Variants in ARHGAP28 observed in about 807,000 individuals in gnomAD.
ARHGAP28 encodes rho GTPase-activating protein 28.
ARHGAP28 carries 56 observed loss-of-function variants against 90.7 expected under a neutral mutation model. The ratio of observed to expected loss-of-function variants is 0.62; its 90% CI spans 0.50 to 0.77. The LOEUF (loss-of-function observed/expected upper bound fraction) is 0.77. ARHGAP28 is among the 30% of genes least tolerant of loss of function. ARHGAP28 has a pLI of 0.00. For missense variants in ARHGAP28, 869 were observed against 900.9 expected (o/e 0.96, Z 0.45); for synonymous variants, 308 against 323.3 (o/e 0.95, Z 0.51).
At chr18:6,775,583 C>T (rs1269734182) in intron 1 of ARHGAP28, among the ~76,000 whole-genome samples, 4 of 152,082 alleles carry the variant, frequency 2.6e-5, no homozygotes, top group Non-Finnish European at 5.9e-5. Context: ...CAATGATAGG[C>T]CACGTGATGC....
intron 5 of ARHGAP28, among the ~76,000 whole-genome samples, chr18:6,861,589 A>G (rs555280830): frequency 4.6e-5 from 7 of 152,240 alleles, no homozygotes; most frequent in Middle Eastern, 3.4e-3. Context: ...GCAGCACAGG[A>G]CTGCGTGTGG....
At position 6,796,475 on chromosome 18, in the gene ARHGAP28, G is replaced by GT. The variant is rs202043646; in HGVS notation, c.123-28286dup. Among the ~76,000 whole-genome samples the GT allele has an allele frequency of 8.3e-3, 1,254 of 151,960 alleles. 9 individuals carry two copies. Among genetic ancestry groups the GT allele is most frequent in the Admixed American group, 0.014 (217 of 15,256 alleles). On this transcript the variant is annotated intron_variant, in intron 1 of 17. Coordinates refer to ENST00000383472, the MANE Select transcript of ARHGAP28 (RefSeq NM_001366230.1). Reference sequence around the variant, plus strand: ...AAGATGCCAACATCATCTTCATTCTGTAACAATAGCCGTTTTATTGAATAC... The same window carrying GT: ...AAGATGCCAACATCATCTTCATTCTGTTAACAATAGCCGTTTTATTGAATAC...
At chr18:6,861,682 C>T (rs1239129076) in intron 5 of ARHGAP28, among the ~76,000 whole-genome samples, 1 of 152,164 alleles carries the variant, frequency 6.6e-6, no homozygotes, top group Non-Finnish European at 1.5e-5. Context: ...GCATGCCTTC[C>T]TTTCTAGGTG....
At chr18:6,820,393 G>A (rs186864196) in intron 1 of ARHGAP28, among the ~76,000 whole-genome samples, 45 of 152,274 alleles carry the variant, frequency 3.0e-4, no homozygotes, top group Middle Eastern at 3.4e-3. Context: ...GGGGAGGGAA[G>A]CAAAGCAGAT....
At chr18:6,764,165 C>T (rs1272840579) in intron 1 of ARHGAP28, among the ~76,000 whole-genome samples, 1 of 151,974 alleles carries the variant, frequency 6.6e-6, no homozygotes, top group African/African-American at 2.4e-5. Flanking sequence ...TACTGAATTG[C>T]TTGGTATTAG....
chr18:6,798,086 G>A (rs985119812), intron 1 of ARHGAP28, among the ~76,000 whole-genome samples: 1 of 152,022 alleles, frequency 6.6e-6, no homozygotes, highest in African/African-American at 2.4e-5. Context: ...GAAATAAAAA[G>A]GAAAAGACTC....
At chr18:6,738,693 A>T (rs2055949351) in intron 1 of ARHGAP28, among the ~76,000 whole-genome samples, 1 of 152,184 alleles carries the variant, frequency 6.6e-6, no homozygotes, top group Non-Finnish European at 1.5e-5. Flanking sequence ...CAACACAAAA[A>T]TTTATGTAGT....
intron 1 of ARHGAP28, among the ~76,000 whole-genome samples, chr18:6,741,577 A>G (rs1223766555): frequency 6.6e-6 from 1 of 152,216 alleles, no homozygotes; most frequent in Non-Finnish European, 1.5e-5. Context: ...AATCCTAAAC[A>G]AACATGATAC....
At chr18:6,777,556 C>G (rs2056293909) in intron 1 of ARHGAP28, among the ~76,000 whole-genome samples, 1 of 151,974 alleles carries the variant, frequency 6.6e-6, no homozygotes, top group African/African-American at 2.4e-5. Context: ...GACCACATGT[C>G]TACGAAAAGT....
intron 7 of ARHGAP28, among the ~76,000 whole-genome samples, chr18:6,871,434 A>G (rs1434490134): frequency 2.0e-5 from 3 of 152,216 alleles, no homozygotes; most frequent in Admixed American, 2.0e-4. Flanking sequence ...CACAGTCATG[A>G]GAGGAAGTGA....
At chr18:6,736,620 G>T (rs907311585) in intron 1 of ARHGAP28, among the ~76,000 whole-genome samples, 1 of 151,566 alleles carries the variant, frequency 6.6e-6, no homozygotes, top group African/African-American at 2.4e-5. Flanking sequence ...GATGGTGGGC[G>T]CCTGTAATCC....
At chr18:6,908,752 G>A (rs1481091919) in intron 16 of ARHGAP28, among the ~76,000 whole-genome samples, 2 of 152,162 alleles carry the variant, frequency 1.3e-5, no homozygotes, top group African/African-American at 4.8e-5. Flanking sequence ...CCTGGTGGGA[G>A]CAGTCCCGTC....
chr18:6,732,646 T>C (rs777380384), intron 1 of ARHGAP28, among the ~76,000 whole-genome samples: 1 of 152,240 alleles, frequency 6.6e-6, no homozygotes, highest in Admixed American at 6.5e-5. Context: ...CAGTTTCTTT[T>C]AGGGCTGCTC....
intron 16 of ARHGAP28, among the ~76,000 whole-genome samples, chr18:6,907,667 G>A (rs539519737): frequency 1.6e-4 from 24 of 152,300 alleles, no homozygotes; most frequent in South Asian, 1.2e-3. Context: ...AGGATGGGGA[G>A]AAGGAGTGAA....
rs4588059 is a variant in ARHGAP28 at position 6,913,448 on chromosome 18, T to C, written c.*1294T>C. On this transcript the variant is annotated 3_prime_UTR_variant, in exon 18 of 18. Coordinates refer to ENST00000383472, the MANE Select transcript of ARHGAP28 (RefSeq NM_001366230.1). ...TATACATTGGCTTTTTTGGAATCTA[T>C]AGATTGAGATTTTGATGAATTTATA... 123,278 of 152,078 alleles carry C rather than the reference T, an allele frequency of 0.81. 50,254 individuals carry two copies. The highest frequency in any genetic ancestry group is 0.86 in the Non-Finnish European group (58,416 of 68,004). The allele number at this position is 152,078 out of a possible 1,614,324, so 9.4% of individuals were successfully genotyped here. A position where few individuals can be genotyped will look rare whatever the true frequency, so the allele number is the denominator to read the frequency against.
intron 16 of ARHGAP28, among the ~76,000 whole-genome samples, chr18:6,904,267 A>C (rs1254488228): frequency 6.6e-6 from 1 of 152,006 alleles, no homozygotes; most frequent in East Asian, 1.9e-4. Flanking sequence ...GGTGGCGGGC[A>C]CCTGTAATCT....
chr18:6,873,766 A>C lies in ARHGAP28; in HGVS notation c.1203A>C (p.Val401=). ...ACCCTGGAGTGAAAGTTCCCCTGGT[A>C]TTACAAAAAGTGAGTAGCAGGCAAA... ...KKDPGVKVPL[V]LQKFFEKVEE... is the part of the protein sequence containing the mutation. The change falls in exon 9 of 18, where the codon GTA becomes GTC. Residue 401 remains valine, a synonymous_variant. Transcript: ENST00000383472. The C allele has an allele frequency of 6.2e-7, 1 of 1,613,740 alleles. No homozygotes were observed. The highest frequency in any genetic ancestry group is 8.5e-7 in the Non-Finnish European group (1 of 1,179,798).
At chr18:6,785,633 T>C (rs114810333) in intron 1 of ARHGAP28, among the ~76,000 whole-genome samples, 1,535 of 152,296 alleles carry the variant, frequency 0.01, 22 homozygotes, top group African/African-American at 0.034. Flanking sequence ...GTAACCCTTA[T>C]TGTATGATAA....
intron 15 of ARHGAP28, among the ~76,000 whole-genome samples, chr18:6,896,006 C>CT (rs1326966405): frequency 1.3e-5 from 2 of 152,134 alleles, no homozygotes; most frequent in African/African-American, 4.8e-5. Flanking sequence ...TTTCAGCACA[C>CT]TTTGAGAGGT....
Sources: allele counts gnomAD v4.1 joint callset (sites outside exome capture counted in the v4.1 genomes callset), GRCh38; gene constraint gnomAD v4.1.1; transcripts MANE v1.5; gene names NCBI Gene and HGNC (gene_info 2026-07-23, HGNC 2026-07-21).